Variants in SLC25A13 observed in about 807,000 individuals in gnomAD.
The protein encoded by SLC25A13 is solute carrier family 25 member 13, also known as electrogenic aspartate/glutamate antiporter SLC25A13, mitochondrial.
In SLC25A13, 70 loss-of-function variants were observed where a neutral mutation model predicts 85.5. That is an observed-to-expected ratio of 0.82 (90% CI 0.68 to 1.00). SLC25A13 has a LOEUF of 1.00. SLC25A13 is among the 50% of genes least tolerant of loss of function. The pLI, the probability that SLC25A13 is intolerant of heterozygous loss-of-function variation, is 0.00. For missense variants in SLC25A13, 765 were observed against 819.8 expected (o/e 0.93, Z 0.82); for synonymous variants, 259 against 288.7 (o/e 0.90, Z 1.04).
intron 12 of SLC25A13, 137 bp downstream of exon 12, chr7:96,171,335 G>A: frequency 1.3e-6 from 1 of 759,104 alleles, no homozygotes; most frequent in South Asian, 1.5e-5. Context: ...GAAAAAATGT[G>A]TGTGGTGAGT....
At chr7:96,188,047 C>T (rs1794703679) in intron 9 of SLC25A13, among the ~76,000 whole-genome samples, 2 of 152,112 alleles carry the variant, frequency 1.3e-5, no homozygotes, top group South Asian at 4.1e-4. Context: ...TGTGGGAAGC[C>T]GCTGCCAGCT....
chr7:96,167,442 T>A (rs1449872142), intron 13 of SLC25A13, among the ~76,000 whole-genome samples: 1 of 152,220 alleles, frequency 6.6e-6, no homozygotes, highest in Non-Finnish European at 1.5e-5. Context: ...TATGAAGTTA[T>A]GAGACAAAGA....
chr7:96,190,393 A>AT (rs1442769681), intron 7 of SLC25A13, among the ~76,000 whole-genome samples: 1 of 150,978 alleles, frequency 6.6e-6, no homozygotes, highest in East Asian at 2.0e-4. Context: ...ACCGGCTCTG[A>AT]TTTTTTTTCT....
chr7:96,191,365 A>G, intron 6 of SLC25A13, 118 bp from the exon 7 acceptor site: 5 of 1,083,068 alleles, frequency 4.6e-6, no homozygotes, highest in Non-Finnish European at 5.4e-6. Context: ...ACAAGAAGAA[A>G]TGACTATAAG....
chr7:96,297,108 C>T (rs1799379209), intron 1 of SLC25A13, among the ~76,000 whole-genome samples, 157 bp from the exon 2 acceptor site: 2 of 152,170 alleles, frequency 1.3e-5, no homozygotes, highest in South Asian at 4.1e-4. Context: ...GCCCCCTTCC[C>T]ATTTTAAATT....
intron 3 of SLC25A13, among the ~76,000 whole-genome samples, chr7:96,256,656 T>A (rs186324900): frequency 6.6e-6 from 1 of 152,202 alleles, no homozygotes; most frequent in East Asian, 1.9e-4. Context: ...ATTAGACAGA[T>A]CAAAGAGACA....
intron 3 of SLC25A13, among the ~76,000 whole-genome samples, chr7:96,257,050 G>A (rs1343827498): frequency 6.6e-6 from 1 of 152,128 alleles, no homozygotes; most frequent in African/African-American, 2.4e-5. Flanking sequence ...AGAATCTCTG[G>A]GGCACAGCTA....
intron 9 of SLC25A13, among the ~76,000 whole-genome samples, chr7:96,186,546 C>T (rs1216502748): frequency 6.6e-6 from 1 of 152,078 alleles, no homozygotes; most frequent in Non-Finnish European, 1.5e-5. Flanking sequence ...CAAATTTTTG[C>T]TCTTTAAACA....
chr7:96,146,183 C>A (rs976169793), intron 14 of SLC25A13, among the ~76,000 whole-genome samples: 1 of 152,094 alleles, frequency 6.6e-6, no homozygotes, highest in East Asian at 1.9e-4. Context: ...AAACATGGAT[C>A]GGACCATATG....
intron 2 of SLC25A13, among the ~76,000 whole-genome samples, chr7:96,293,981 G>A (rs904394822): frequency 2.0e-5 from 3 of 152,134 alleles, no homozygotes; most frequent in African/African-American, 7.2e-5. Flanking sequence ...ACATGCACAC[G>A]TATGTTTATT....
intron 1 of SLC25A13, among the ~76,000 whole-genome samples, chr7:96,301,632 G>GTT (rs1554383370): frequency 1.4e-5 from 2 of 138,108 alleles, no homozygotes; most frequent in Non-Finnish European, 3.2e-5. Flanking sequence ...TTGGTGTTTT[G>GTT]TTTTTTTTTT....
chr7:96,290,947 A>T (rs1458819685), intron 2 of SLC25A13, among the ~76,000 whole-genome samples: 1 of 152,124 alleles, frequency 6.6e-6, no homozygotes, highest in Admixed American at 6.6e-5. Context: ...CATCTACAGA[A>T]CTCTCTACCC....
intron 4 of SLC25A13, among the ~76,000 whole-genome samples, chr7:96,220,629 TAA>T (rs1796086743): frequency 6.6e-6 from 1 of 152,220 alleles, no homozygotes; most frequent in Non-Finnish European, 1.5e-5. Context: ...TATCTTTAAA[TAA>T]GCAGTACAGT....
At chr7:96,281,326 A>G (rs776058591) in intron 2 of SLC25A13, among the ~76,000 whole-genome samples, 7 of 149,958 alleles carry the variant, frequency 4.7e-5, no homozygotes, top group Non-Finnish European at 1.0e-4. Context: ...GGGAGGCAGA[A>G]GTTGCAGTGA....
intron 1 of SLC25A13, among the ~76,000 whole-genome samples, chr7:96,317,495 C>A (rs1800175128): frequency 6.6e-6 from 1 of 151,920 alleles, no homozygotes; most frequent in South Asian, 2.1e-4. Context: ...GTTTTTATTA[C>A]CTGCTGTTAA....
chr7:96,160,523 G>T, intron 13 of SLC25A13, among the ~76,000 whole-genome samples: 1 of 152,174 alleles, frequency 6.6e-6, no homozygotes, highest in Non-Finnish European at 1.5e-5. Flanking sequence ...GGAATCTGGT[G>T]AGCACTGCTT....
chr7:96,278,930 CT>C (rs199783927), intron 2 of SLC25A13, among the ~76,000 whole-genome samples: 12 of 152,310 alleles, frequency 7.9e-5, no homozygotes, highest in African/African-American at 2.4e-4. Context: ...AAGTTTGCCC[CT>C]GATAGTGAAT....
At chr7:96,225,584 G>A (rs532771459) in intron 4 of SLC25A13, among the ~76,000 whole-genome samples, 2 of 151,576 alleles carry the variant, frequency 1.3e-5, no homozygotes, top group East Asian at 3.9e-4. Context: ...GAATGGCCCA[G>A]GTGGGGTCCC....
chr7:96,248,073 A>G (rs1797274159), intron 3 of SLC25A13, among the ~76,000 whole-genome samples: 1 of 152,068 alleles, frequency 6.6e-6, no homozygotes, highest in African/African-American at 2.4e-5. Context: ...CTACAGTCTC[A>G]ACAGTCCTAA....
Sources: allele counts gnomAD v4.1 joint callset (sites outside exome capture counted in the v4.1 genomes callset), GRCh38; gene constraint gnomAD v4.1.1; transcripts MANE v1.5; gene names NCBI Gene and HGNC (gene_info 2026-07-23, HGNC 2026-07-21).